ADSS2: variants seen among roughly 807,000 people sequenced by gnomAD.
The protein encoded by ADSS2 is adenylosuccinate synthetase isozyme 2.
In ADSS2, 30 loss-of-function variants were observed where a neutral mutation model predicts 60.0. The ratio of observed to expected loss-of-function variants is 0.50; its 90% CI spans 0.37 to 0.68. ADSS2 has a LOEUF of 0.68. ADSS2 is among the 30% of genes least tolerant of loss of function. ADSS2 has a pLI of 0.00. For synonymous variants in ADSS2, 187 were observed against 193.1 expected (o/e 0.97, Z 0.26); for missense variants, 373 against 554.8 (o/e 0.67, Z 3.29).
In ADSS2 at chr1:244,428,279, T is replaced by C. The variant is rs553977032; in HGVS notation, c.407-3892A>G. Among the ~76,000 whole-genome samples the C allele has an allele frequency of 4.6e-5, 7 of 152,234 alleles. No homozygotes were observed. The East Asian group carries it at 1.3e-3, about 29-fold the overall frequency. ...ACATATTCTCTGTTCACAATAAAAT[T>C]AAATTATAAATAATAGAGAGAAATC... On this transcript the variant is annotated intron_variant, in intron 4 of 12. Transcript: ENST00000366535.
chr1:244,415,339 CT>C, intron 11 of ADSS2, among the ~76,000 whole-genome samples: 1 of 152,118 alleles, frequency 6.6e-6, no homozygotes, highest in East Asian at 1.9e-4. Context: ...TATAAGATAT[CT>C]AGACTCCCTC....
rs756788957 is a variant in ADSS2, at chr1:244,451,759, C to G, written c.59G>C (p.Arg20Pro). 6.2e-7 allele frequency: 1 copy of G among 1,600,602 alleles called. No homozygotes were observed. The highest frequency in any genetic ancestry group is 1.1e-5 in the South Asian group (1 of 89,066). The change falls in exon 1 of 13, where the codon CGC (arginine) becomes CCC (proline). Residue 20 changes from arginine to proline, a missense_variant. Around this residue, in one of 5 missense-constraint regions of ADSS2, gnomAD observed 47 missense variants for 48.3 expected, o/e 0.97. Coordinates refer to ENST00000366535, the MANE Select transcript of ADSS2 (RefSeq NM_001126.5). This position sits in a 1 kb window ranked among gnomAD's most constrained non-coding sequence, Gnocchi z 6.6. ...ASSLPNGDCG[R>P]PRARPGGNRV... ...GTTTCCTCCGGGCCGCGCCCTGGGGCGGCCGCAATCGCCGTTGGGCAGGGA... is the reference window on the plus strand; with the variant it reads ...GTTTCCTCCGGGCCGCGCCCTGGGGGGGCCGCAATCGCCGTTGGGCAGGGA...
chr1:244,410,911 A>G (rs1664396831), intron 12 of ADSS2, among the ~76,000 whole-genome samples: 1 of 152,178 alleles, frequency 6.6e-6, no homozygotes, highest in Non-Finnish European at 1.5e-5. Context: ...TCTATTTCAA[A>G]GGCACATAGG....
chr1:244,444,194 A>G (rs1297766134), intron 1 of ADSS2, among the ~76,000 whole-genome samples: 5 of 151,968 alleles, frequency 3.3e-5, no homozygotes, highest in Non-Finnish European at 7.4e-5. Flanking sequence ...TATTTTACCA[A>G]TTTTCTTTGA....
chr1:244,412,078 G>C (rs912936293), intron 11 of ADSS2, among the ~76,000 whole-genome samples: 7 of 152,124 alleles, frequency 4.6e-5, no homozygotes, highest in Admixed American at 2.6e-4. Flanking sequence ...CTCCACCAAA[G>C]GGAGCTGCTG....
In ADSS2 at chr1:244,451,650, G is replaced by A. The variant is rs762008431; in HGVS notation, c.168C>T (p.Ile56=). The A allele has an allele frequency of 6.2e-7, 1 of 1,610,462 alleles. No homozygotes were observed. The highest frequency in any genetic ancestry group is 8.5e-7 in the Non-Finnish European group (1 of 1,178,302). Residue 56 remains isoleucine, a synonymous_variant, in exon 1 of 13, where the codon ATC becomes ATT. Coordinates refer to ENST00000366535, the MANE Select transcript of ADSS2 (RefSeq NM_001126.5). The surrounding 1 kb of genome is among the most constrained non-coding windows in gnomAD (Gnocchi z 6.6). ...VVDLLAQDAD[I]VCRCQGGNNA... is the part of the protein sequence containing the mutation. Reference sequence around the variant, plus strand: ...GTCGCCTCACCTGGCAGCGGCACACGATGTCGGCGTCCTGCGCCAGCAGGT... The same window carrying A: ...GTCGCCTCACCTGGCAGCGGCACACAATGTCGGCGTCCTGCGCCAGCAGGT...
intron 3 of ADSS2, among the ~76,000 whole-genome samples, chr1:244,433,978 C>A (rs1045347682): frequency 6.6e-5 from 10 of 151,832 alleles, no homozygotes; most frequent in African/African-American, 2.4e-4. Context: ...TCTGTCCCCC[C>A]ATTTAACTGT....
At position 244,433,860 on chromosome 1, in the gene ADSS2, A is replaced by T. The variant is rs61843976; in HGVS notation, c.356-1265T>A. Among the ~76,000 whole-genome samples the T allele has an allele frequency of 9.8e-3, 537 of 55,042 alleles. 4 individuals are homozygous for T. Among genetic ancestry groups the T allele is most frequent in the African/African-American group, 0.024 (499 of 20,604 alleles). 36.1% of individuals were successfully genotyped at this position (55,042 alleles called of 152,430 possible). ...GGCAACAGAGCAAGACTCCATCTTT[A>T]AAAAAAAAAAAAAAAAAAAAAAAGG... On this transcript the variant is annotated intron_variant, in intron 3 of 12. Transcript: ENST00000366535.
chr1:244,422,691 G>A, intron 7 of ADSS2, 144 bp downstream of exon 7: 1 of 614,300 alleles, frequency 1.6e-6, no homozygotes, highest in South Asian at 2.2e-5. Context: ...GCCATATCAT[G>A]TAAAGTCACT....
intron 11 of ADSS2, 122 bp from the exon 12 acceptor site, chr1:244,411,558 T>C: frequency 9.8e-7 from 1 of 1,025,002 alleles, no homozygotes; most frequent in Non-Finnish European, 1.4e-6. Context: ...TTTTGGGATT[T>C]AGAATTCTTC....
chr1:244,415,833 CTA>C (rs1664515694), intron 11 of ADSS2, 146 bp downstream of exon 11: 1 of 599,020 alleles, frequency 1.7e-6, no homozygotes, highest in Non-Finnish European at 2.9e-6. Flanking sequence ...AACCAAATAA[CTA>C]ATAATAAGTG....
At chr1:244,430,355 G>C (rs903598049) in intron 4 of ADSS2, among the ~76,000 whole-genome samples, 1 of 152,182 alleles carries the variant, frequency 6.6e-6, no homozygotes, top group African/African-American at 2.4e-5. Context: ...GGAGAATCCA[G>C]ACAGGAACAG....
At chr1:244,445,169 T>C (rs143504449) in intron 1 of ADSS2, among the ~76,000 whole-genome samples, 10 of 152,326 alleles carry the variant, frequency 6.6e-5, no homozygotes, top group Non-Finnish European at 1.5e-4. Context: ...GCAGGCTTCA[T>C]CTCAGGCCAC....
At chr1:244,427,395 T>C (rs1664831529) in intron 4 of ADSS2, among the ~76,000 whole-genome samples, 1 of 152,012 alleles carries the variant, frequency 6.6e-6, no homozygotes, top group South Asian at 2.1e-4. Context: ...ATATTAAAAA[T>C]GTTCAATCGA....
intron 4 of ADSS2, among the ~76,000 whole-genome samples, chr1:244,430,566 A>G (rs1366549480): frequency 6.6e-6 from 1 of 152,252 alleles, no homozygotes; most frequent in African/African-American, 2.4e-5. Flanking sequence ...AGCAGACAAC[A>G]TAACAAAAAG....
intron 6 of ADSS2, 68 bp from the exon 7 acceptor site, chr1:244,422,984 T>C: frequency 9.5e-7 from 1 of 1,049,734 alleles, no homozygotes; most frequent in South Asian, 1.7e-5. Context: ...ATCATTTCAT[T>C]CAAATGGTTT....
At chr1:244,447,430 C>G (rs1168422768) in intron 1 of ADSS2, among the ~76,000 whole-genome samples, 1 of 152,092 alleles carries the variant, frequency 6.6e-6, no homozygotes, top group Non-Finnish European at 1.5e-5. Flanking sequence ...TGGTCTCATA[C>G]ACGTTTAAAA....
intron 1 of ADSS2, among the ~76,000 whole-genome samples, chr1:244,444,656 T>C (rs1665342331): frequency 6.6e-6 from 1 of 151,800 alleles, no homozygotes; most frequent in African/African-American, 2.4e-5. Context: ...GGACTAAAAT[T>C]CTATGTTCTC....
chr1:244,437,029 T>C (rs1665118893), intron 2 of ADSS2, 136 bp from the exon 3 acceptor site: 1 of 652,268 alleles, frequency 1.5e-6, no homozygotes, highest in South Asian at 2.2e-5. Context: ...TTTAAATACA[T>C]AATGGAACAT....
Sources: allele counts gnomAD v4.1 joint callset (sites outside exome capture counted in the v4.1 genomes callset), GRCh38; gene constraint gnomAD v4.1.1; regional missense constraint gnomAD v4.1.1; non-coding constraint Gnocchi (gnomAD v3.1); transcripts MANE v1.5; gene names NCBI Gene and HGNC (gene_info 2026-07-23, HGNC 2026-07-21).